Variants in EDDM13 observed in about 807,000 individuals in gnomAD.
EDDM13 encodes epididymal protein 13.
A neutral mutation model predicts 17.8 loss-of-function variants in EDDM13; 24 were observed. The observed-to-expected ratio is 1.35, with a 90% CI of 0.98 to 1.90. The LOEUF (loss-of-function observed/expected upper bound fraction) is 1.90. Among genes scored for constraint, EDDM13 ranks in the 40% most tolerant of loss-of-function variants. The pLI is 0.00. For missense variants in EDDM13, 97 were observed against 100.8 expected (o/e 0.96, Z 0.16); for synonymous variants, 31 against 37.5 (o/e 0.83, Z 0.63).
intron 14 of EDDM13, among the ~76,000 whole-genome samples, chr19:56,307,947 A>G (rs2040803479): frequency 6.6e-6 from 1 of 152,242 alleles, no homozygotes; most frequent in African/African-American, 2.4e-5. Context: ...ATGGTACCCA[A>G]GGGTTCTCAG....
chr19:56,284,854 A>G (rs1484444163), intron 5 of EDDM13, 144 bp from the exon 6 acceptor site: 1 of 202,932 alleles, frequency 4.9e-6, no homozygotes, highest in African/African-American at 2.4e-5. Flanking sequence ...TTAAGTGGGA[A>G]TAATGAGGCA....
intron 1 of EDDM13, among the ~76,000 whole-genome samples, chr19:56,275,120 A>G (rs976013975): frequency 6.6e-6 from 1 of 152,194 alleles, no homozygotes; most frequent in Non-Finnish European, 1.5e-5. Context: ...TCCCTCGGCT[A>G]AGGTGGTGTC....
At chr19:56,291,391 T>C (rs1338581707) in intron 9 of EDDM13, among the ~76,000 whole-genome samples, 1 of 152,136 alleles carries the variant, frequency 6.6e-6, no homozygotes, top group East Asian at 1.9e-4. Flanking sequence ...AGGAGTAAAG[T>C]CTCAAAGAAG....
intron 3 of EDDM13, among the ~76,000 whole-genome samples, chr19:56,282,068 T>A (rs1050288712): frequency 6.6e-6 from 1 of 152,114 alleles, no homozygotes; most frequent in Non-Finnish European, 1.5e-5. Flanking sequence ...CTGGGTTAGA[T>A]TGTGTGTATT....
chr19:56,300,361 AT>A (rs1211766699), intron 12 of EDDM13, among the ~76,000 whole-genome samples: 2 of 152,316 alleles, frequency 1.3e-5, no homozygotes, highest in South Asian at 2.1e-4. Context: ...TTCACCGTAA[AT>A]TCACTTGGTT....
intron 9 of EDDM13, among the ~76,000 whole-genome samples, 111 bp downstream of exon 9, chr19:56,290,957 A>G (rs1406446396): frequency 2.0e-5 from 3 of 152,216 alleles, no homozygotes; most frequent in Non-Finnish European, 1.5e-5. Context: ...AATGTAGAAC[A>G]CAAGTTGAGA....
intron 13 of EDDM13, 78 bp downstream of exon 13, chr19:56,302,173 CGAA>C (rs1443574620): frequency 1.8e-6 from 2 of 1,099,886 alleles, no homozygotes; most frequent in African/African-American, 3.2e-5. Context: ...ACAGAGGAAG[CGAA>C]GGAGGGTGCC....
chr19:56,303,981 G>A (rs989217233), intron 13 of EDDM13, among the ~76,000 whole-genome samples: 1 of 152,174 alleles, frequency 6.6e-6, no homozygotes, highest in Non-Finnish European at 1.5e-5. Flanking sequence ...AGAGGGGCAG[G>A]GGGGTCCAGG....
intron 9 of EDDM13, among the ~76,000 whole-genome samples, chr19:56,291,078 C>T (rs373723842): frequency 1.3e-5 from 2 of 152,292 alleles, no homozygotes; most frequent in African/African-American, 4.8e-5. Flanking sequence ...GGGTCTGGGG[C>T]TACATGCAGG....
At position 56,301,984 on chromosome 19, in the gene EDDM13, C is replaced by T. The variant is rs543259829; in HGVS notation, c.312C>T (p.Gly104=). 1.6e-6 allele frequency: 2 copies of T among 1,232,030 alleles called. No homozygotes were observed. Among genetic ancestry groups the T allele is most frequent in the Non-Finnish European group, 2.0e-6 (2 of 988,302 alleles). The allele number at this position is 1,232,030 out of a possible 1,614,324, so 76.3% of individuals were successfully genotyped here. The change falls in exon 13 of 15, where the codon GGC becomes GGT. Residue 104 remains glycine, a synonymous_variant. Transcript: ENST00000649256. ...GCKEEVKPFS[G]TTPSRKPLPK... ...TCTCTCCAGTTAAACCCTTCTCAGG[C>T]ACCACCCCATCCAGGAAACCACTCC...
intron 14 of EDDM13, 47 bp downstream of exon 14, chr19:56,304,877 T>G (rs1600244388): frequency 1.2e-6 from 1 of 802,606 alleles, no homozygotes; most frequent in African/African-American, 1.9e-5. Context: ...TGGGGTGGGG[T>G]TAGGGGAGGT....
At chr19:56,282,162 T>C (rs901727258) in intron 3 of EDDM13, among the ~76,000 whole-genome samples, 1 of 152,106 alleles carries the variant, frequency 6.6e-6, no homozygotes, top group Admixed American at 6.5e-5. Context: ...CAGTCTCCGG[T>C]TGAGAAGTGG....
chr19:56,299,084 T>C (rs1265716491), intron 12 of EDDM13, among the ~76,000 whole-genome samples: 1 of 152,182 alleles, frequency 6.6e-6, no homozygotes, highest in Non-Finnish European at 1.5e-5. Flanking sequence ...AACAAGCACA[T>C]TATCATTTCA....
chr19:56,310,223 T>C lies in EDDM13; in HGVS notation c.*75T>C, dbSNP rs2147361387. The C allele has an allele frequency of 6.6e-6, 1 of 152,442 alleles. No homozygotes were observed. The highest frequency in any genetic ancestry group is 2.1e-4 in the South Asian group (1 of 4,830). The allele number at this position is 152,442 out of a possible 1,614,324, so 9.4% of individuals were successfully genotyped here. A position where few individuals can be genotyped will look rare whatever the true frequency, so the allele number is the denominator to read the frequency against. ...GCATTCTAACCTCTGAAGAAAGCTC[T>C]CTGTCCCCTGGACTGCCTGTGTGGA... On this transcript the variant is annotated 3_prime_UTR_variant, in exon 15 of 15. Transcript: ENST00000649256.
intron 2 of EDDM13, among the ~76,000 whole-genome samples, chr19:56,280,155 T>C (rs1285550109): frequency 6.6e-6 from 1 of 152,180 alleles, no homozygotes; most frequent in African/African-American, 2.4e-5. Context: ...AAAGTCCTCT[T>C]GTTTCTATTT....
At chr19:56,280,885 G>A (rs940562707) in intron 2 of EDDM13, among the ~76,000 whole-genome samples, 1 of 152,034 alleles carries the variant, frequency 6.6e-6, no homozygotes, top group East Asian at 1.9e-4. Flanking sequence ...TGCTGTTTGG[G>A]GTACACACTC....
intron 12 of EDDM13, among the ~76,000 whole-genome samples, chr19:56,299,170 T>G (rs1600225431): frequency 6.6e-6 from 1 of 152,160 alleles, no homozygotes; most frequent in South Asian, 2.1e-4. Context: ...CTAGCTTTGT[T>G]GCCCAGGCTG....
intron 6 of EDDM13, among the ~76,000 whole-genome samples, chr19:56,287,616 A>C (rs2039223389): frequency 6.6e-6 from 1 of 152,218 alleles, no homozygotes; most frequent in African/African-American, 2.4e-5. Flanking sequence ...CCTGCCACGA[A>C]ACCAAGTACC....
chr19:56,292,411 C>A (rs2039570968), intron 9 of EDDM13, among the ~76,000 whole-genome samples: 1 of 151,034 alleles, frequency 6.6e-6, no homozygotes, highest in African/African-American at 2.4e-5. Context: ...TACAGGTGTG[C>A]ATCATCACAC....
Sources: gnomAD v4.1 joint callset for allele counts (sites outside exome capture counted in the v4.1 genomes callset) on GRCh38, gnomAD v4.1.1 for gene constraint, MANE v1.5 for transcripts, NCBI Gene and HGNC (gene_info 2026-07-23, HGNC 2026-07-21) for gene names.